EHF: variants seen among roughly 807,000 people sequenced by gnomAD.
EHF encodes ETS homologous factor, also known as ESE3 transcription factor.
EHF carries 14 observed loss-of-function variants against 45.1 expected under a neutral mutation model. That is an observed-to-expected ratio of 0.31 (90% CI 0.21 to 0.49). The LOEUF is 0.49. EHF is among the 20% of genes least tolerant of loss of function. EHF has a pLI of 0.99. For missense variants in EHF, 282 were observed against 371.4 expected (o/e 0.76, Z 1.98); for synonymous variants, 136 against 131.8 (o/e 1.03, Z -0.22).
chr11:34,629,716 C>T (rs1311886968), intron 1 of EHF, among the ~76,000 whole-genome samples: 2 of 152,104 alleles, frequency 1.3e-5, no homozygotes, highest in Non-Finnish European at 2.9e-5. Context: ...ATTCAGGCTC[C>T]CCCAATAACA....
chr11:34,626,678 T>C (rs1852402834), intron 1 of EHF, among the ~76,000 whole-genome samples: 1 of 152,190 alleles, frequency 6.6e-6, no homozygotes, highest in Non-Finnish European at 1.5e-5. Context: ...TTAATTCCAC[T>C]AGGCAGAAGG....
chr11:34,623,621 C>T (rs16925912), intron 1 of EHF, among the ~76,000 whole-genome samples: 4,111 of 152,288 alleles, frequency 0.027, 181 homozygotes, highest in African/African-American at 0.094. Context: ...TACTAGGTTG[C>T]ATTCAATTAG....
At chr11:34,633,469 G>A (rs1484424179) in intron 1 of EHF, among the ~76,000 whole-genome samples, 1 of 152,148 alleles carries the variant, frequency 6.6e-6, no homozygotes, top group Non-Finnish European at 1.5e-5. Flanking sequence ...TCAAGACTTC[G>A]TTAAGGGAGG....
At chr11:34,644,220 G>A (rs1352732664) in intron 2 of EHF, among the ~76,000 whole-genome samples, 1 of 152,158 alleles carries the variant, frequency 6.6e-6, no homozygotes, top group East Asian at 1.9e-4. Flanking sequence ...TTAAAAGTTG[G>A]TGCCTCTTGT....
At chr11:34,657,799 A>G (rs1855804375) in intron 7 of EHF, among the ~76,000 whole-genome samples, 1 of 151,906 alleles carries the variant, frequency 6.6e-6, no homozygotes, top group Non-Finnish European at 1.5e-5. Flanking sequence ...CAGAAAAAAA[A>G]AAAAGGTATA....
chr11:34,628,817 C>A (rs1852609727), intron 1 of EHF, among the ~76,000 whole-genome samples: 1 of 152,158 alleles, frequency 6.6e-6, no homozygotes, highest in Non-Finnish European at 1.5e-5. Flanking sequence ...TGGGGACTGA[C>A]CCTTTGGAGA....
At chr11:34,642,539 T>A in intron 1 of EHF, 89 bp from the exon 2 acceptor site, 1 of 833,978 alleles carries the variant, frequency 1.2e-6, no homozygotes, top group Non-Finnish European at 2.0e-6. Flanking sequence ...TCTCTTTATT[T>A]TCTTCCTAAA....
At chr11:34,630,746 G>C (rs1423010540) in intron 1 of EHF, among the ~76,000 whole-genome samples, 1 of 152,040 alleles carries the variant, frequency 6.6e-6, no homozygotes, top group African/African-American at 2.4e-5. Context: ...TTGGTTCTAA[G>C]CACTCCACTC....
intron 1 of EHF, among the ~76,000 whole-genome samples, chr11:34,633,339 A>G (rs1853084408): frequency 6.6e-6 from 1 of 152,152 alleles, no homozygotes; most frequent in Admixed American, 6.5e-5. Flanking sequence ...ACTTGCTTGC[A>G]TTTATGGACA....
intron 1 of EHF, among the ~76,000 whole-genome samples, chr11:34,625,119 A>T (rs117514990): frequency 1.9e-3 from 297 of 152,310 alleles, no homozygotes; most frequent in Admixed American, 3.9e-3. Context: ...GAGGCAGGAA[A>T]GATTAGCAAG....
Position 34,661,451 on chromosome 11 carries a change from G to A in EHF, c.*2520G>A, listed in dbSNP as rs548958864. 6.6e-6 allele frequency among the ~76,000 whole-genome samples: 1 copy of A among 152,136 alleles called. No homozygotes were observed. Among genetic ancestry groups the A allele is most frequent in the Non-Finnish European group, 1.5e-5 (1 of 68,014 alleles). On this transcript the variant is annotated 3_prime_UTR_variant, in exon 9 of 9. Transcript: ENST00000257831. ...ATTCAAGAGCAATCTTTGCTAAGGA[G>A]TAAGTGAATGTGAAGAGTACCAACT...
Position 34,659,236 on chromosome 11 carries a change from A to T in EHF, c.*305A>T. ...TCTTTTTCACTGCAAGAGTAACAGG[A>T]TTTGTAGCCTTGTGCTTCTTGCTAA... On this transcript the variant is annotated 3_prime_UTR_variant, in exon 9 of 9. Coordinates refer to ENST00000257831, the MANE Select transcript of EHF (RefSeq NM_012153.6). 4.3e-6 allele frequency: 1 copy of T among 233,088 alleles called. No homozygotes were observed. 14.4% of individuals were successfully genotyped at this position (233,088 alleles called of 1,614,324 possible).
intron 1 of EHF, among the ~76,000 whole-genome samples, chr11:34,631,091 G>C (rs940876984): frequency 1.3e-5 from 2 of 152,144 alleles, no homozygotes; most frequent in African/African-American, 4.8e-5. Flanking sequence ...GTGTGCAGTG[G>C]CACAGTCATG....
intron 1 of EHF, among the ~76,000 whole-genome samples, chr11:34,628,529 A>G (rs1852579385): frequency 6.6e-6 from 1 of 152,154 alleles, no homozygotes; most frequent in Non-Finnish European, 1.5e-5. Flanking sequence ...CAGTTGATAG[A>G]TGTTCTCTGC....
At chr11:34,639,370 GA>G (rs1853759476) in intron 1 of EHF, among the ~76,000 whole-genome samples, 1 of 152,200 alleles carries the variant, frequency 6.6e-6, no homozygotes, top group Non-Finnish European at 1.5e-5. Context: ...ATATACTACA[GA>G]AAGTCTACAT....
intron 1 of EHF, chr11:34,624,326 G>A (rs1428963500): frequency 7.1e-6 from 7 of 985,262 alleles, no homozygotes; most frequent in Admixed American, 6.1e-5. Context: ...GGGTAAGCCG[G>A]GTCTGCGGCG....
At position 34,659,039 on chromosome 11, in the gene EHF, C is replaced by T. The variant is rs1855917881; in HGVS notation, c.*108C>T. The T allele has an allele frequency of 4.8e-6, 4 of 826,376 alleles. No homozygotes were observed. Among genetic ancestry groups the T allele is most frequent in the Non-Finnish European group, 7.4e-6 (4 of 540,954 alleles). 51.2% of individuals were successfully genotyped at this position (826,376 alleles called of 1,614,324 possible). A position where few individuals can be genotyped will look rare whatever the true frequency, so the allele number is the denominator to read the frequency against. The stretch of plus-strand genomic sequence containing the variant: ...ACTACTTTTCTCTGATATTTATGTA[C>T]CATGAGGGGAACAAGAAACTACTTC... On this transcript the variant is annotated 3_prime_UTR_variant, in exon 9 of 9. Coordinates refer to ENST00000257831, the MANE Select transcript of EHF (RefSeq NM_012153.6).
At chr11:34,639,061 A>C (rs1436842114) in intron 1 of EHF, among the ~76,000 whole-genome samples, 1 of 152,176 alleles carries the variant, frequency 6.6e-6, no homozygotes, top group Non-Finnish European at 1.5e-5. Flanking sequence ...GCTTAGGAGA[A>C]ACAAATACTC....
intron 4 of EHF, among the ~76,000 whole-genome samples, chr11:34,650,821 GCA>G (rs1565042244): frequency 1.3e-5 from 2 of 152,308 alleles, no homozygotes; most frequent in Non-Finnish European, 2.9e-5. Flanking sequence ...GTTTACCGCA[GCA>G]CACAGAAGAA....
Sources: allele counts gnomAD v4.1 joint callset (sites outside exome capture counted in the v4.1 genomes callset), GRCh38; gene constraint gnomAD v4.1.1; transcripts MANE v1.5; gene names NCBI Gene and HGNC (gene_info 2026-07-23, HGNC 2026-07-21).